The following PLEKHA7 variants were observed in gnomAD, a reference collection of about 807,000 sequenced individuals.
PLEKHA7 encodes pleckstrin homology domain containing A7.
A neutral mutation model predicts 170.0 loss-of-function variants in PLEKHA7; 104 were observed. The observed-to-expected ratio is 0.61, with a 90% CI of 0.52 to 0.72. The LOEUF is 0.72. Among genes scored for constraint, PLEKHA7 ranks in the 30% least tolerant of loss-of-function variants. The pLI is 0.00. For synonymous variants in PLEKHA7, 648 were observed against 660.8 expected (o/e 0.98, Z 0.30); for missense variants, 1,615 against 1,671.7 (o/e 0.97, Z 0.59).
intron 9 of PLEKHA7, among the ~76,000 whole-genome samples, chr11:16,839,849 A>AAG (rs1851813842): frequency 6.6e-6 from 1 of 152,116 alleles, no homozygotes; most frequent in Admixed American, 6.6e-5. Flanking sequence ...ATATACTGTA[A>AAG]ACATATATAT....
At chr11:16,934,621 A>G (rs1860162633) in intron 3 of PLEKHA7, among the ~76,000 whole-genome samples, 1 of 152,224 alleles carries the variant, frequency 6.6e-6, no homozygotes, top group African/African-American at 2.4e-5. Flanking sequence ...TAATCTCCTA[A>G]TATAATTTAT....
intron 26 of PLEKHA7, 22 bp downstream of exon 26, chr11:16,782,732 G>C (rs2134124714): frequency 6.5e-6 from 10 of 1,535,370 alleles, no homozygotes; most frequent in Non-Finnish European, 8.7e-6. Flanking sequence ...TCCAGGCCTT[G>C]GGGGCTGGGC....
chr11:16,872,417 T>C (rs1317133284), intron 3 of PLEKHA7, among the ~76,000 whole-genome samples: 1 of 152,232 alleles, frequency 6.6e-6, no homozygotes, highest in Non-Finnish European at 1.5e-5. Flanking sequence ...TTAGTGTATA[T>C]AAAAATCTGT....
intron 4 of PLEKHA7, among the ~76,000 whole-genome samples, chr11:16,858,489 C>CA (rs1268777363): frequency 2.0e-5 from 3 of 150,082 alleles, no homozygotes; most frequent in African/African-American, 7.3e-5. Context: ...CAATCTTTAA[C>CA]AAATTTTTTT....
chr11:16,911,925 C>T (rs1289621048), intron 3 of PLEKHA7, among the ~76,000 whole-genome samples: 1 of 152,144 alleles, frequency 6.6e-6, no homozygotes, highest in East Asian at 1.9e-4. Flanking sequence ...CCAAGCAGAG[C>T]GACACAGCCA....
Position 16,817,358 on chromosome 11 carries a change from A to C in PLEKHA7, c.1344-36T>G. 1 of 1,561,412 alleles carries C rather than the reference A, an allele frequency of 6.4e-7. No homozygotes were observed. The highest frequency in any genetic ancestry group is 8.7e-7 in the Non-Finnish European group (1 of 1,155,818). ...AGGGTAAGAACGGGTCAGGCAACCA[A>C]GCGAGGGTTCTGCAGGCTTTGGGGA... is the stretch of plus-strand genomic sequence containing the variant. On this transcript the variant is annotated intron_variant, in intron 10 of 26. Coordinates refer to ENST00000531066, the MANE Select transcript of PLEKHA7 (RefSeq NM_001329630.2). This position sits in a 1 kb window ranked among gnomAD's most constrained non-coding sequence, Gnocchi z 4.4.
At chr11:16,871,491 C>T (rs1222545778) in intron 3 of PLEKHA7, among the ~76,000 whole-genome samples, 2 of 151,980 alleles carry the variant, frequency 1.3e-5, no homozygotes, top group Non-Finnish European at 2.9e-5. Context: ...CAAACTGAGA[C>T]GATGAACAAA....
At chr11:16,839,237 G>A (rs918449216) in intron 9 of PLEKHA7, among the ~76,000 whole-genome samples, 1 of 151,886 alleles carries the variant, frequency 6.6e-6, no homozygotes, top group Non-Finnish European at 1.5e-5. Flanking sequence ...CATGCTTTCA[G>A]AAAGCACAAA....
At position 16,851,281 on chromosome 11, in the gene PLEKHA7, T is replaced by C. The variant is rs1201273617; in HGVS notation, c.606A>G (p.Glu202=). The part of the protein sequence containing the change: ...YCLFYYKDSR[E]EAVLGSIPLP... ...AGGGGATGCTCCCGAGGACCGCTTC[T>C]TCTCGGCTGTCTTTGAATGGAAAAA... Residue 202 remains glutamate, a synonymous_variant, in exon 8 of 27, where the codon GAA becomes GAG. Coordinates refer to ENST00000531066, the MANE Select transcript of PLEKHA7 (RefSeq NM_001329630.2). 2.5e-6 allele frequency: 4 copies of C among 1,610,198 alleles called. No individual in the cohort carries two copies. Among genetic ancestry groups the C allele is most frequent in the South Asian group, 1.1e-5 (1 of 90,072 alleles).
At chr11:17,000,194 G>A (rs981307349) in intron 3 of PLEKHA7, among the ~76,000 whole-genome samples, 7 of 151,976 alleles carry the variant, frequency 4.6e-5, no homozygotes, top group Non-Finnish European at 4.4e-5. Context: ...TGCAATTCTC[G>A]TGCCTCAGCC....
intron 3 of PLEKHA7, among the ~76,000 whole-genome samples, chr11:16,889,420 A>AAAAAAAAAAATATATATAT (rs61086849): frequency 6.7e-5 from 5 of 74,674 alleles, no homozygotes; most frequent in African/African-American, 1.3e-4. Context: ...AAAAAAAAAA[A>AAAAAAAAAAATATATATAT]ATATATATAT....
At chr11:17,004,518 G>A (rs1050468514) in intron 3 of PLEKHA7, among the ~76,000 whole-genome samples, 11 of 151,414 alleles carry the variant, frequency 7.3e-5, no homozygotes, top group African/African-American at 2.2e-4. Context: ...TCAGCCTCCC[G>A]AGTAGCTGGG....
At chr11:16,978,038 C>T (rs1191019732) in intron 3 of PLEKHA7, among the ~76,000 whole-genome samples, 1 of 152,138 alleles carries the variant, frequency 6.6e-6, no homozygotes, top group Non-Finnish European at 1.5e-5. Flanking sequence ...GGACAGCAGG[C>T]ACACCTCCTG....
chr11:16,864,373 CTATTAA>C (rs758378824), intron 4 of PLEKHA7, among the ~76,000 whole-genome samples: 7 of 152,076 alleles, frequency 4.6e-5, no homozygotes, highest in African/African-American at 1.2e-4. Flanking sequence ...ACTAGCAATA[CTATTAA>C]TATTATTTAT....
At chr11:16,801,860 T>G (rs751425653) in intron 15 of PLEKHA7, 43 bp from the exon 16 acceptor site, 1 of 1,610,732 alleles carries the variant, frequency 6.2e-7, no homozygotes, top group South Asian at 1.1e-5. Flanking sequence ...AGGAGGACAG[T>G]CCCCAGAGGC....
chr11:16,840,453 G>A (rs446612), intron 9 of PLEKHA7, among the ~76,000 whole-genome samples: 14,759 of 152,130 alleles, frequency 0.097, 819 homozygotes, highest in East Asian at 0.16. Context: ...CCAGCTACTC[G>A]GGAGGCTAAG....
chr11:16,808,472 G>A (rs537128563), intron 13 of PLEKHA7, among the ~76,000 whole-genome samples: 3 of 152,270 alleles, frequency 2.0e-5, no homozygotes, highest in African/African-American at 7.2e-5. Flanking sequence ...AGGTGATTCT[G>A]AAGTATGCGG....
chr11:16,910,665 G>A (rs543314722), intron 3 of PLEKHA7, among the ~76,000 whole-genome samples: 33 of 152,280 alleles, frequency 2.2e-4, no homozygotes, highest in Admixed American at 4.6e-4. Context: ...TCACAACTGG[G>A]AAGCACTACT....
chr11:16,777,342 A>G lies in PLEKHA7; in HGVS notation c.*1656T>C, dbSNP rs1384105633. ...GTACATCACATTTTTTTTGCAAACC[A>G]TTACATTTTTAAATTAACTTTTTCT... On this transcript the variant is annotated 3_prime_UTR_variant, in exon 27 of 27. Coordinates refer to ENST00000531066, the MANE Select transcript of PLEKHA7 (RefSeq NM_001329630.2). The G allele has an allele frequency of 6.6e-6, 1 of 152,162 alleles. No homozygotes were observed. Among genetic ancestry groups the G allele is most frequent in the Non-Finnish European group, 1.5e-5 (1 of 68,022 alleles). The allele number at this position is 152,162 out of a possible 1,614,324, so 9.4% of individuals were successfully genotyped here.
Sources: gnomAD v4.1 joint callset for allele counts (sites outside exome capture counted in the v4.1 genomes callset) on GRCh38, gnomAD v4.1.1 for gene constraint, Gnocchi (gnomAD v3.1) non-coding constraint, MANE v1.5 for transcripts, NCBI Gene and HGNC (gene_info 2026-07-23, HGNC 2026-07-21) for gene names.